The following FGF12 variants were observed in gnomAD, a reference collection of about 807,000 sequenced individuals.
FGF12 encodes the protein fibroblast growth factor 12.
FGF12 carries 14 observed loss-of-function variants against 23.6 expected under a neutral mutation model. That is an observed-to-expected ratio of 0.59 (90% CI 0.39 to 0.93). FGF12 has a LOEUF of 0.93. FGF12 is among the 40% of genes least tolerant of loss of function. FGF12 has a pLI of 0.00. For missense variants in FGF12, 175 were observed against 217.8 expected, an observed-to-expected ratio of 0.80 and a Z score of 1.24; for synonymous variants, 62 against 77.3, an observed-to-expected ratio of 0.80 and a Z score of 1.04.
At chr3:192,461,945 G>A (rs748210278) in intron 2 of FGF12, among the ~76,000 whole-genome samples, 17 of 151,456 alleles carry the variant, frequency 1.1e-4, no homozygotes, top group Admixed American at 3.9e-4. Flanking sequence ...AGCTGAGATC[G>A]CACCACGGCA....
In FGF12 at chr3:192,360,470, C is replaced by T; in HGVS notation, c.82G>A (p.Asp28Asn). Residue 28 changes from aspartate (D) to asparagine (N), a missense_variant, in exon 3 of 6, where the codon GAT becomes AAT. Transcript: ENST00000445105. The surrounding 1 kb of genome is among the most constrained non-coding windows in gnomAD (Gnocchi z 4.3). ...TCCTTGGTCCCATCAATGGTACCAT[C>T]TGGGTGCATCTGCAGGAAGTATCCC... is the stretch of plus-strand genomic sequence containing the variant. ...QQGYFLQMHP[D>N]GTIDGTKDEN... The T allele has an allele frequency of 2.5e-6, 4 of 1,613,920 alleles. No homozygotes were observed. Among genetic ancestry groups the T allele is most frequent in the Non-Finnish European group, 3.4e-6 (4 of 1,179,828 alleles).
chr3:192,697,985 GC>G (rs994426267), intron 2 of FGF12, among the ~76,000 whole-genome samples: 3 of 150,212 alleles, frequency 2.0e-5, no homozygotes, highest in Admixed American at 1.3e-4. Flanking sequence ...CTGTCCCCTT[GC>G]CTGATCTTTT....
chr3:192,388,606 T>C (rs1368827992), intron 2 of FGF12, among the ~76,000 whole-genome samples: 2 of 152,040 alleles, frequency 1.3e-5, no homozygotes, highest in Admixed American at 6.5e-5. Flanking sequence ...ATAAATTCAA[T>C]ACAGTAATAC....
intron 4 of FGF12, among the ~76,000 whole-genome samples, chr3:192,256,837 A>C (rs1227821036): frequency 6.6e-6 from 1 of 152,180 alleles, no homozygotes; most frequent in Non-Finnish European, 1.5e-5. Flanking sequence ...GGCAATTTAA[A>C]CTGAATTTTC....
intron 5 of FGF12, among the ~76,000 whole-genome samples, chr3:192,154,587 T>G (rs1169587206): frequency 6.6e-6 from 1 of 151,590 alleles, no homozygotes; most frequent in African/African-American, 2.4e-5. Flanking sequence ...GAGGTGTCAG[T>G]GTGCCCCTGC....
At chr3:192,610,386 T>A (rs1346531519) in intron 2 of FGF12, among the ~76,000 whole-genome samples, 4 of 152,082 alleles carry the variant, frequency 2.6e-5, no homozygotes, top group Admixed American at 6.6e-5. Flanking sequence ...ACAGTGATGA[T>A]GTATATCCAG....
At chr3:192,631,342 C>T (rs557664481) in intron 2 of FGF12, among the ~76,000 whole-genome samples, 13 of 152,300 alleles carry the variant, frequency 8.5e-5, no homozygotes, top group Admixed American at 5.9e-4. Flanking sequence ...GCATCCATCA[C>T]GACATCTAGC....
At chr3:192,597,975 G>A (rs1713936405) in intron 2 of FGF12, among the ~76,000 whole-genome samples, 1 of 152,224 alleles carries the variant, frequency 6.6e-6, no homozygotes, top group Non-Finnish European at 1.5e-5. Context: ...CGAAGGTTGG[G>A]TTTGTTTGGA....
chr3:192,651,236 G>A (rs1341427382), intron 2 of FGF12, among the ~76,000 whole-genome samples: 2 of 152,188 alleles, frequency 1.3e-5, no homozygotes, highest in Non-Finnish European at 2.9e-5. Flanking sequence ...GACATTTGTT[G>A]AAGCCTTCAG....
chr3:192,198,452 T>C (rs754187210), intron 4 of FGF12, among the ~76,000 whole-genome samples: 10 of 152,116 alleles, frequency 6.6e-5, no homozygotes, highest in Non-Finnish European at 1.0e-4. Context: ...TCAGTAATAA[T>C]GCTCACTAAA....
chr3:192,155,283 T>C (rs1008066765), intron 5 of FGF12, among the ~76,000 whole-genome samples: 2 of 152,212 alleles, frequency 1.3e-5, no homozygotes, highest in African/African-American at 4.8e-5. Flanking sequence ...TCTGCATTGC[T>C]CACGCTGGGA....
At chr3:192,472,217 C>T (rs544823378) in intron 2 of FGF12, among the ~76,000 whole-genome samples, 1 of 152,146 alleles carries the variant, frequency 6.6e-6, no homozygotes, top group East Asian at 1.9e-4. Context: ...GGGGTTTCAC[C>T]ATGTTGGCCA....
chr3:192,624,246 A>G (rs1462886018), intron 2 of FGF12, among the ~76,000 whole-genome samples: 1 of 152,176 alleles, frequency 6.6e-6, no homozygotes, highest in Non-Finnish European at 1.5e-5. Context: ...TAAAATCCCT[A>G]TTAAAATAAG....
chr3:192,440,173 G>A (rs1370713423), intron 2 of FGF12, among the ~76,000 whole-genome samples: 1 of 151,812 alleles, frequency 6.6e-6, no homozygotes, highest in Admixed American at 6.6e-5. Context: ...TTCAAAGACT[G>A]GAAAAAAATG....
intron 4 of FGF12, among the ~76,000 whole-genome samples, chr3:192,264,247 T>C (rs754142710): frequency 2.0e-5 from 3 of 152,112 alleles, no homozygotes; most frequent in African/African-American, 7.2e-5. Flanking sequence ...ATAACTAAAT[T>C]GACCTAACAT....
chr3:192,522,828 T>C (rs1462206574), intron 2 of FGF12, among the ~76,000 whole-genome samples: 1 of 152,238 alleles, frequency 6.6e-6, no homozygotes, highest in Non-Finnish European at 1.5e-5. Context: ...ATAAATATAG[T>C]TTGCCACAAT....
chr3:192,530,490 G>T (rs941135907), intron 2 of FGF12, among the ~76,000 whole-genome samples: 1 of 152,108 alleles, frequency 6.6e-6, no homozygotes, highest in African/African-American at 2.4e-5. Flanking sequence ...TTTCATCCTT[G>T]AAGATTTATT....
intron 4 of FGF12, among the ~76,000 whole-genome samples, chr3:192,208,863 A>T (rs1357881918): frequency 6.6e-6 from 1 of 152,178 alleles, no homozygotes; most frequent in Non-Finnish European, 1.5e-5. Context: ...TACTGTCTAT[A>T]AGTGTCTCAC....
At chr3:192,261,070 C>T (rs1421957755) in intron 4 of FGF12, among the ~76,000 whole-genome samples, 2 of 152,068 alleles carry the variant, frequency 1.3e-5, no homozygotes, top group East Asian at 1.9e-4. Flanking sequence ...ACCGGCCACA[C>T]ACCACAGGGT....
Sources: gnomAD v4.1 joint callset for allele counts (sites outside exome capture counted in the v4.1 genomes callset) on GRCh38, gnomAD v4.1.1 for gene constraint, Gnocchi (gnomAD v3.1) non-coding constraint, MANE v1.5 for transcripts, NCBI Gene and HGNC (gene_info 2026-07-23, HGNC 2026-07-21) for gene names.